Variants in SCG3 observed in about 807,000 individuals in gnomAD.
The protein encoded by SCG3 is secretogranin III.
A neutral mutation model predicts 56.2 loss-of-function variants in SCG3; 38 were observed. The ratio of observed to expected loss-of-function variants is 0.68; its 90% CI spans 0.52 to 0.89. SCG3 has a LOEUF of 0.89. SCG3 is among the 40% of genes least tolerant of loss of function. The probability of loss-of-function intolerance (pLI) is 0.00; values close to 1 mark genes in which losing one functional copy is unlikely to be tolerated. For missense variants in SCG3, 524 were observed against 540.7 expected (o/e 0.97, Z 0.31); for synonymous variants, 176 against 184.2 (o/e 0.96, Z 0.36).
intron 10 of SCG3, among the ~76,000 whole-genome samples, chr15:51,708,782 C>G (rs2055392238): frequency 1.3e-5 from 2 of 151,974 alleles, no homozygotes; most frequent in Admixed American, 1.3e-4. Flanking sequence ...TGGCGTAAAT[C>G]CGGGAGGCGG....
chr15:51,688,418 G>A lies in SCG3; in HGVS notation c.540+16G>A. On this transcript the variant is annotated intron_variant, in intron 5 of 11. Coordinates refer to ENST00000220478, the MANE Select transcript of SCG3 (RefSeq NM_013243.4). ...TCTCGGCCTTGTAAGTCATTTGGTAGGAAATAAACCAAATTCCTAGTGCAG... is the reference window on the plus strand; with the variant it reads ...TCTCGGCCTTGTAAGTCATTTGGTAAGAAATAAACCAAATTCCTAGTGCAG... 1.2e-6 allele frequency: 2 copies of A among 1,610,566 alleles called. No individual in the cohort carries two copies. The highest frequency in any genetic ancestry group is 1.7e-6 in the Non-Finnish European group (2 of 1,177,550).
intron 6 of SCG3, 32 bp downstream of exon 6, chr15:51,689,400 GGTGTGTGTGTGTGT>G (rs3841591): frequency 5.1e-6 from 6 of 1,177,418 alleles, no homozygotes; most frequent in Non-Finnish European, 6.8e-6. Context: ...TATGCATGGG[GGTGTGTGTGTGTGT>G]GTGTGTGTGT....
Position 51,692,322 on chromosome 15 carries a change from A to G in SCG3, c.854A>G (p.Lys285Arg). The change falls in exon 7 of 12, where the codon AAA becomes AGA. Residue 285 changes from lysine (K) to arginine (R), a missense_variant. Transcript: ENST00000220478. ...TTCCCAAATTTCTATGCGCTACTGAAAAGTATTGATTCAGGTAACCACTGT... is the reference window on the plus strand; with the variant it reads ...TTCCCAAATTTCTATGCGCTACTGAGAAGTATTGATTCAGGTAACCACTGT... ...QYFPNFYALL[K>R]SIDSEKEAKE... 1 of 1,613,572 alleles carries G rather than the reference A, an allele frequency of 6.2e-7. No homozygotes were observed. Among genetic ancestry groups the G allele is most frequent in the Non-Finnish European group, 8.5e-7 (1 of 1,179,754 alleles).
At chr15:51,683,528 C>A in intron 4 of SCG3, 94 bp downstream of exon 4, 1 of 791,784 alleles carries the variant, frequency 1.3e-6, no homozygotes, top group Non-Finnish European at 1.9e-6. Flanking sequence ...TTTAAACATT[C>A]ATAATCCTTT....
At chr15:51,709,714 T>TATTTTA (rs1220768506) in intron 10 of SCG3, among the ~76,000 whole-genome samples, 6 of 49,152 alleles carry the variant, frequency 1.2e-4, no homozygotes, top group Non-Finnish European at 2.3e-4. Flanking sequence ...TTTTTTTTTT[T>TATTTTA]TTTTTTTTTT....
chr15:51,686,711 G>C (rs1294597854), intron 4 of SCG3, among the ~76,000 whole-genome samples: 1 of 146,268 alleles, frequency 6.8e-6, no homozygotes, highest in Admixed American at 6.7e-5. Flanking sequence ...TTGTATGTTT[G>C]TTTGTTTGTT....
At chr15:51,703,027 G>A (rs985717028) in intron 10 of SCG3, among the ~76,000 whole-genome samples, 6 of 152,084 alleles carry the variant, frequency 3.9e-5, no homozygotes, top group Admixed American at 1.3e-4. Context: ...GTGGGGGGTG[G>A]TGGAGGAACC....
intron 10 of SCG3, among the ~76,000 whole-genome samples, chr15:51,707,818 T>C (rs2055385866): frequency 6.6e-6 from 1 of 152,246 alleles, no homozygotes; most frequent in Non-Finnish European, 1.5e-5. Flanking sequence ...TTGCTTTGCT[T>C]CATCCAGTTC....
chr15:51,719,388 G>A lies in SCG3; in HGVS notation c.1289-20G>A. ...GCCTTTCCTGATCTTTGCTCATTAT[G>A]CTCTAATAATATTTTCCAGATTATG... is the stretch of plus-strand genomic sequence containing the variant. On this transcript the variant is annotated intron_variant, in intron 11 of 11. Transcript: ENST00000220478. The A allele has an allele frequency of 6.4e-7, 1 of 1,559,340 alleles. No homozygotes were observed. The highest frequency in any genetic ancestry group is 8.8e-7 in the Non-Finnish European group (1 of 1,131,760).
intron 9 of SCG3, among the ~76,000 whole-genome samples, chr15:51,700,288 TTC>T (rs1371121151): frequency 6.6e-6 from 1 of 152,222 alleles, no homozygotes; most frequent in Admixed American, 6.5e-5. Flanking sequence ...ACTAACTGAT[TTC>T]TTTCTTTTCT....
intron 10 of SCG3, among the ~76,000 whole-genome samples, chr15:51,704,238 T>C (rs1446107867): frequency 6.0e-5 from 4 of 66,996 alleles, no homozygotes; most frequent in African/African-American, 1.3e-4. Flanking sequence ...TATACATACA[T>C]ACATACATAT....
chr15:51,713,826 G>A (rs1351235538), intron 11 of SCG3, among the ~76,000 whole-genome samples: 1 of 152,070 alleles, frequency 6.6e-6, no homozygotes, highest in African/African-American at 2.4e-5. Context: ...GCAGTCACTC[G>A]CTTACATAAA....
At chr15:51,700,662 C>T (rs945990054) in intron 9 of SCG3, among the ~76,000 whole-genome samples, 1 of 152,134 alleles carries the variant, frequency 6.6e-6, no homozygotes, top group African/African-American at 2.4e-5. Flanking sequence ...AATGCAATGT[C>T]AAGGAGAGAT....
intron 10 of SCG3, among the ~76,000 whole-genome samples, chr15:51,704,244 C>CATACATACATATATATATAT (rs751546589): frequency 5.4e-5 from 4 of 73,600 alleles, no homozygotes; most frequent in African/African-American, 9.6e-5. Flanking sequence ...TACATACATA[C>CATACATACATATATATATAT]ATATATATAT....
At chr15:51,692,949 A>C (rs1293974641) in intron 7 of SCG3, among the ~76,000 whole-genome samples, 1 of 152,080 alleles carries the variant, frequency 6.6e-6, no homozygotes, top group African/African-American at 2.4e-5. Flanking sequence ...ACAGTACAGT[A>C]TTGTTAACTA....
rs754308627 is a variant in SCG3, at chr15:51,696,019, T to C, written c.985+28T>C. The C allele has an allele frequency of 2.0e-5, 26 of 1,306,506 alleles. No individual in the cohort carries two copies. In the South Asian group the frequency reaches 3.0e-4, roughly 15 times the overall value. 80.9% of individuals were successfully genotyped at this position (1,306,506 alleles called of 1,614,324 possible). A position where few individuals can be genotyped will look rare whatever the true frequency, so the allele number is the denominator to read the frequency against. On this transcript the variant is annotated intron_variant, in intron 8 of 11. Transcript: ENST00000220478. ...GAGATTCTATGTGTTTTGTTTCTAC[T>C]GTGGTGGTTTTCATTGTTCAAAGTA...
chr15:51,703,048 A>T (rs1018512618), intron 10 of SCG3, among the ~76,000 whole-genome samples: 9 of 152,126 alleles, frequency 5.9e-5, no homozygotes, highest in African/African-American at 2.2e-4. Context: ...CAGCCAATTT[A>T]TCATCTGAAA....
chr15:51,689,485 A>T (rs2055253205), intron 6 of SCG3, 117 bp downstream of exon 6: 1 of 1,315,090 alleles, frequency 7.6e-7, no homozygotes, highest in South Asian at 1.6e-5. Context: ...GATTTGAGGT[A>T]TGTGGCATTT....
At chr15:51,696,129 T>C (rs1162648386) in intron 8 of SCG3, 138 bp downstream of exon 8, 1 of 678,012 alleles carries the variant, frequency 1.5e-6, no homozygotes, top group African/African-American at 1.9e-5. Context: ...ACCAGTTTGA[T>C]AATATATACA....
Sources: allele counts gnomAD v4.1 joint callset (sites outside exome capture counted in the v4.1 genomes callset), GRCh38; gene constraint gnomAD v4.1.1; transcripts MANE v1.5; gene names NCBI Gene and HGNC (gene_info 2026-07-23, HGNC 2026-07-21).